Variants in ACAP2 observed in about 807,000 individuals in gnomAD.
ACAP2 encodes the protein arf-GAP with coiled-coil, ANK repeat and PH domain-containing protein 2.
A neutral mutation model predicts 115.8 loss-of-function variants in ACAP2; 39 were observed. The observed-to-expected ratio is 0.34, with a 90% CI of 0.26 to 0.44. The LOEUF (loss-of-function observed/expected upper bound fraction) is 0.44. ACAP2 is among the 20% of genes least tolerant of loss of function. The pLI is 1.00. For synonymous variants in ACAP2, 289 were observed against 315.8 expected, an observed-to-expected ratio of 0.92 and a Z score of 0.90; for missense variants, 662 against 927.6, an observed-to-expected ratio of 0.71 and a Z score of 3.72.
chr3:195,302,982 G>C (rs1728166852), intron 13 of ACAP2, among the ~76,000 whole-genome samples: 1 of 152,086 alleles, frequency 6.6e-6, no homozygotes, highest in Non-Finnish European at 1.5e-5. Context: ...GGGAGGCTGA[G>C]GCGGGTGGAT....
chr3:195,424,261 G>GTGTGTGTC (rs1456909404), intron 1 of ACAP2, among the ~76,000 whole-genome samples: 2 of 54,656 alleles, frequency 3.7e-5, no homozygotes, highest in South Asian at 1.4e-3. Context: ...GTGTGTGTGT[G>GTGTGTGTC]TATATATATA....
chr3:195,285,921 T>C, intron 21 of ACAP2, 64 bp from the exon 22 acceptor site: 1 of 1,205,310 alleles, frequency 8.3e-7, no homozygotes, highest in Non-Finnish European at 1.2e-6. Flanking sequence ...AAATAAAGTC[T>C]ATAAACAGGT....
chr3:195,333,008 G>A lies in ACAP2; in HGVS notation c.669+20C>T. On this transcript the variant is annotated intron_variant, in intron 8 of 22. Coordinates refer to ENST00000326793, the MANE Select transcript of ACAP2 (RefSeq NM_012287.6). ...ATACCAATGTATAAAACAGAATCAA[G>A]AAATATACTGCAACATTACCTGTGC... 6.5e-7 allele frequency: 1 copy of A among 1,538,814 alleles called. No individual in the cohort carries two copies. Among genetic ancestry groups the A allele is most frequent in the South Asian group, 1.2e-5 (1 of 86,214 alleles).
chr3:195,308,090 C>T (rs963745488), intron 11 of ACAP2, among the ~76,000 whole-genome samples: 1 of 152,122 alleles, frequency 6.6e-6, no homozygotes, highest in Admixed American at 6.5e-5. Context: ...AATAAAACTT[C>T]CTCATCCTTA....
In ACAP2 at chr3:195,301,569, T is replaced by G; in HGVS notation, c.1395+6A>C. 6.3e-7 allele frequency: 1 copy of G among 1,598,068 alleles called. No individual in the cohort carries two copies. The highest frequency in any genetic ancestry group is 8.5e-7 in the Non-Finnish European group (1 of 1,174,282). On this transcript the variant is annotated splice_donor_region_variant and intron_variant, in intron 15 of 22. Transcript: ENST00000326793. ...TGAAATATTTTAAAGCAAAAATTTT[T>G]TTTACCTTTAAAAGTTCTGGCTCCC...
chr3:195,342,655 C>G lies in ACAP2; in HGVS notation c.345-1G>C. The G allele has an allele frequency of 6.3e-7, 1 of 1,579,766 alleles. No homozygotes were observed. Among genetic ancestry groups the G allele is most frequent in the Non-Finnish European group, 8.5e-7 (1 of 1,170,404 alleles). On this transcript the variant is annotated splice_acceptor_variant, in intron 5 of 22. Coordinates refer to ENST00000326793, the MANE Select transcript of ACAP2 (RefSeq NM_012287.6). LOFTEE classifies it high-confidence loss of function. ...GGCATCTTTGAATTTTCTAAGATCTCTAAGAAAAGAAAAACTTAGTGAAAC... is the reference window on the plus strand; with the variant it reads ...GGCATCTTTGAATTTTCTAAGATCTGTAAGAAAAGAAAAACTTAGTGAAAC...
chr3:195,292,122 A>G, intron 19 of ACAP2, 143 bp downstream of exon 19: 2 of 1,030,510 alleles, frequency 1.9e-6, no homozygotes, highest in Non-Finnish European at 2.7e-6. Flanking sequence ...CTCAGAAACC[A>G]CTACTATTAA....
intron 1 of ACAP2, among the ~76,000 whole-genome samples, chr3:195,416,797 C>G (rs1713768882): frequency 6.6e-6 from 1 of 152,154 alleles, no homozygotes; most frequent in Admixed American, 6.5e-5. Flanking sequence ...ACTAGAAGAA[C>G]ACGTCCAACA....
chr3:195,336,850 G>A lies in ACAP2; in HGVS notation c.573+82C>T, dbSNP rs571041216. 156 of 1,069,528 alleles carry A rather than the reference G, an allele frequency of 1.5e-4. No individual in the cohort carries two copies. In the African/African-American group the frequency reaches 2.3e-3, roughly 16 times the overall value. The allele number at this position is 1,069,528 out of a possible 1,614,324, so 66.3% of individuals were successfully genotyped here. On this transcript the variant is annotated intron_variant, in intron 7 of 22. Transcript: ENST00000326793. ...AATTATAAACCTTATCATGTATATA[G>A]CAGATGCTCTTTCAACACCTAAATA...
intron 1 of ACAP2, among the ~76,000 whole-genome samples, chr3:195,424,292 T>A (rs1330377123): frequency 0.048 from 2,677 of 56,010 alleles, 76 homozygotes; most frequent in East Asian, 0.35. Context: ...TATTTTTTTT[T>A]TTTTTTTTTT....
intron 21 of ACAP2, among the ~76,000 whole-genome samples, chr3:195,287,587 GGAT>G (rs773689866): frequency 2.6e-5 from 4 of 151,988 alleles, no homozygotes; most frequent in Non-Finnish European, 5.9e-5. Flanking sequence ...TGAGTAGCTT[GGAT>G]TATGGGTGGG....
At chr3:195,350,336 A>G (rs955543210) in intron 4 of ACAP2, among the ~76,000 whole-genome samples, 11 of 152,220 alleles carry the variant, frequency 7.2e-5, no homozygotes, top group African/African-American at 2.7e-4. Flanking sequence ...TATGAAAGCT[A>G]CAGTAATCAA....
intron 1 of ACAP2, among the ~76,000 whole-genome samples, chr3:195,434,608 T>C (rs1270229993): frequency 6.6e-6 from 1 of 152,200 alleles, no homozygotes; most frequent in Non-Finnish European, 1.5e-5. Context: ...TGATTAGGAA[T>C]CTCGATGCTT....
chr3:195,416,342 CAA>C (rs796780762), intron 1 of ACAP2, among the ~76,000 whole-genome samples: 64 of 110,112 alleles, frequency 5.8e-4, no homozygotes, highest in Non-Finnish European at 5.5e-4. Flanking sequence ...AAGACGCCGT[CAA>C]AAAAAAAAAA....
chr3:195,310,314 C>T (rs912096360), intron 10 of ACAP2, among the ~76,000 whole-genome samples: 5 of 152,086 alleles, frequency 3.3e-5, no homozygotes, highest in Non-Finnish European at 5.9e-5. Context: ...GCTGGGTTGC[C>T]TCTAAATGCA....
chr3:195,390,106 G>A (rs777567222), intron 2 of ACAP2, among the ~76,000 whole-genome samples: 1 of 152,192 alleles, frequency 6.6e-6, no homozygotes, highest in South Asian at 2.1e-4. Flanking sequence ...TGAGGCAGGA[G>A]AAGTGCTTGA....
intron 1 of ACAP2, among the ~76,000 whole-genome samples, chr3:195,424,581 G>A (rs1714515248): frequency 6.6e-6 from 1 of 151,560 alleles, no homozygotes; most frequent in Non-Finnish European, 1.5e-5. Flanking sequence ...TTACAGGTGT[G>A]AGCCACCGCG....
At chr3:195,382,515 T>G (rs1019741960) in intron 2 of ACAP2, among the ~76,000 whole-genome samples, 12 of 152,272 alleles carry the variant, frequency 7.9e-5, no homozygotes, top group African/African-American at 2.9e-4. Flanking sequence ...CTCCCTGTTC[T>G]TCCATTCCTT....
At chr3:195,356,046 A>G (rs1560280778) in intron 4 of ACAP2, 3 of 453,492 alleles carry the variant, frequency 6.6e-6, no homozygotes, top group Non-Finnish European at 1.3e-5. Context: ...AGAACCAAAA[A>G]TCATGTGAGC....
Sources: gnomAD v4.1 joint callset for allele counts (sites outside exome capture counted in the v4.1 genomes callset) on GRCh38, gnomAD v4.1.1 for gene constraint, MANE v1.5 for transcripts, NCBI Gene and HGNC (gene_info 2026-07-23, HGNC 2026-07-21) for gene names.